Variants in CCSER1 observed in about 807,000 individuals in gnomAD.
CCSER1 encodes serine-rich coiled-coil domain-containing protein 1.
A neutral mutation model predicts 82.0 loss-of-function variants in CCSER1; 41 were observed. The ratio of observed to expected loss-of-function variants is 0.50; its 90% confidence interval spans 0.39 to 0.65. The LOEUF is 0.65. Among genes scored for constraint, CCSER1 ranks in the 30% least tolerant of loss-of-function variants. The pLI, the probability that CCSER1 is intolerant of heterozygous loss-of-function variation, is 0.00. For synonymous variants in CCSER1, 414 were observed against 383.9 expected (o/e 1.08, Z -0.92); for missense variants, 1,119 against 1,064.2 (o/e 1.05, Z -0.72).
chr4:90,462,948 A>G (rs1032770317), intron 4 of CCSER1, among the ~76,000 whole-genome samples: 1 of 152,182 alleles, frequency 6.6e-6, no homozygotes, highest in African/African-American at 2.4e-5. Context: ...ATAAGTCAAT[A>G]GACTTATAAC....
chr4:91,058,970 T>C (rs557293641), intron 9 of CCSER1, among the ~76,000 whole-genome samples: 53 of 152,132 alleles, frequency 3.5e-4, no homozygotes, highest in Non-Finnish European at 6.6e-4. Flanking sequence ...CTATAATTCT[T>C]ACAGTCTTTT....
rs73834790 is a variant in CCSER1 at position 91,110,609 on chromosome 4, C to T, written c.2217+24615C>T. On this transcript the variant is annotated intron_variant, in intron 10 of 10. Transcript: ENST00000509176. ...TATTTCTGTAATATTGTGCTTATCA[C>T]ATTGTACTGTGACTTTTTGTTTATC... 4.5e-3 allele frequency among the ~76,000 whole-genome samples: 669 copies of T among 148,038 alleles called. 5 individuals carry two copies. Among genetic ancestry groups the T allele is most frequent in the African/African-American group, 0.016 (629 of 39,202 alleles).
intron 7 of CCSER1, among the ~76,000 whole-genome samples, chr4:90,757,515 T>C (rs1200206836): frequency 2.0e-5 from 3 of 152,214 alleles, no homozygotes; most frequent in Non-Finnish European, 2.9e-5. Flanking sequence ...TTGGGCCTTG[T>C]ACAGGAGCTT....
At chr4:90,812,438 T>G (rs533488276) in intron 7 of CCSER1, among the ~76,000 whole-genome samples, 3 of 152,170 alleles carry the variant, frequency 2.0e-5, no homozygotes, top group Non-Finnish European at 2.9e-5. Context: ...TTGTGTACAT[T>G]GAGGTCGTGG....
At chr4:90,250,645 T>C (rs941061134) in intron 1 of CCSER1, among the ~76,000 whole-genome samples, 1 of 152,126 alleles carries the variant, frequency 6.6e-6, no homozygotes, top group African/African-American at 2.4e-5. Flanking sequence ...TTGGAAACTG[T>C]GTGTTCACTA....
chr4:90,258,873 G>T (rs1376127158), intron 1 of CCSER1, among the ~76,000 whole-genome samples: 1 of 152,058 alleles, frequency 6.6e-6, no homozygotes, highest in Non-Finnish European at 1.5e-5. Context: ...ATGCTGTTTT[G>T]GTAACTACAG....
intron 10 of CCSER1, among the ~76,000 whole-genome samples, chr4:91,236,268 A>G (rs1739001393): frequency 6.6e-6 from 1 of 152,112 alleles, no homozygotes; most frequent in Non-Finnish European, 1.5e-5. Flanking sequence ...CAGGTGGATC[A>G]TGAGGTCAAG....
At chr4:90,892,513 T>G (rs915554784) in intron 8 of CCSER1, among the ~76,000 whole-genome samples, 2 of 152,036 alleles carry the variant, frequency 1.3e-5, no homozygotes, top group Admixed American at 6.6e-5. Context: ...CTGTGGAACA[T>G]TATACATACA....
intron 8 of CCSER1, among the ~76,000 whole-genome samples, chr4:90,878,508 T>G (rs1034224978): frequency 3.3e-5 from 5 of 152,146 alleles, no homozygotes; most frequent in Non-Finnish European, 7.3e-5. Flanking sequence ...TGTTGAGAAA[T>G]GCTAAATGAA....
chr4:91,585,561 GT>G (rs1205294715), intron 10 of CCSER1, among the ~76,000 whole-genome samples: 1 of 151,448 alleles, frequency 6.6e-6, no homozygotes, highest in Non-Finnish European at 1.5e-5. Context: ...GAATGTATAG[GT>G]TGTGTTTGCA....
intron 5 of CCSER1, among the ~76,000 whole-genome samples, chr4:90,556,835 C>G (rs188113466): frequency 3.8e-4 from 56 of 148,054 alleles, no homozygotes; most frequent in African/African-American, 1.3e-3. Flanking sequence ...GTTCAAGGAA[C>G]AACTGTATAT....
At chr4:91,336,007 A>G (rs1747300158) in intron 10 of CCSER1, among the ~76,000 whole-genome samples, 2 of 152,144 alleles carry the variant, frequency 1.3e-5, no homozygotes, top group Admixed American at 1.3e-4. Flanking sequence ...AGCTTTGATC[A>G]TGAATTGTAA....
At chr4:90,600,661 C>T (rs1655076769) in intron 5 of CCSER1, among the ~76,000 whole-genome samples, 1 of 151,854 alleles carries the variant, frequency 6.6e-6, no homozygotes, top group Non-Finnish European at 1.5e-5. Context: ...ACTAGTCCTT[C>T]AAATCTATGA....
chr4:91,112,276 TC>T (rs1726159394), intron 10 of CCSER1, among the ~76,000 whole-genome samples: 1 of 152,116 alleles, frequency 6.6e-6, no homozygotes, highest in South Asian at 2.1e-4. Flanking sequence ...TTGTAGGCCT[TC>T]CTTTTTTGAC....
chr4:91,439,505 C>A (rs539101229), intron 10 of CCSER1, among the ~76,000 whole-genome samples: 18 of 152,082 alleles, frequency 1.2e-4, no homozygotes, highest in African/African-American at 2.4e-4. Context: ...AAGGAACAAC[C>A]AGTACCAGCC....
At chr4:90,834,838 C>T (rs1359986133) in intron 8 of CCSER1, among the ~76,000 whole-genome samples, 4 of 152,076 alleles carry the variant, frequency 2.6e-5, no homozygotes, top group African/African-American at 7.2e-5. Context: ...TTTCTTTTCT[C>T]GTACAGAATA....
At chr4:90,494,919 C>T (rs1309773537) in intron 5 of CCSER1, among the ~76,000 whole-genome samples, 1 of 151,810 alleles carries the variant, frequency 6.6e-6, no homozygotes, top group African/African-American at 2.4e-5. Flanking sequence ...TTTGTTGATG[C>T]CTATATCCCT....
intron 1 of CCSER1, among the ~76,000 whole-genome samples, chr4:90,134,076 C>T (rs1723253583): frequency 6.6e-6 from 1 of 152,114 alleles, no homozygotes; most frequent in Non-Finnish European, 1.5e-5. Context: ...GTGCTGGACA[C>T]TTCTTACATG....
intron 4 of CCSER1, among the ~76,000 whole-genome samples, chr4:90,400,876 C>A (rs188458965): frequency 6.6e-6 from 1 of 152,190 alleles, no homozygotes; most frequent in East Asian, 1.9e-4. Flanking sequence ...TTAACATAGT[C>A]ATTTTCAAGT....
Sources: gnomAD v4.1 joint callset for allele counts (sites outside exome capture counted in the v4.1 genomes callset) on GRCh38, gnomAD v4.1.1 for gene constraint, MANE v1.5 for transcripts, NCBI Gene and HGNC (gene_info 2026-07-23, HGNC 2026-07-21) for gene names.